PCDHA12: variants seen among roughly 807,000 people sequenced by gnomAD.
The protein encoded by PCDHA12 is protocadherin alpha-12.
Under a neutral mutation model 60.0 loss-of-function variants are expected in PCDHA12, and 44 were observed. The observed-to-expected ratio is 0.73, with a 90% CI of 0.58 to 0.94. PCDHA12 has a LOEUF of 0.94. Among genes scored for constraint, PCDHA12 ranks in the 40% least tolerant of loss-of-function variants. The pLI is 0.00. For missense variants in PCDHA12, 1,276 were observed against 1,239.7 expected (o/e 1.03, Z -0.44); for synonymous variants, 569 against 553.0 (o/e 1.03, Z -0.40).
At chr5:140,966,642 G>C (rs897727830) in intron 1 of PCDHA12, 15 of 1,117,790 alleles carry the variant, frequency 1.3e-5, no homozygotes, top group Non-Finnish European at 1.8e-5. Context: ...GCGCTTTCTA[G>C]AGCGTGAGCG....
chr5:140,971,284 A>G lies in PCDHA12; in HGVS notation c.2368-7665A>G, dbSNP rs573117700. 1.7e-3 allele frequency among the ~76,000 whole-genome samples: 257 copies of G among 152,334 alleles called. 1 individual carries two copies. The highest frequency in any genetic ancestry group is 3.4e-3 in the Non-Finnish European group (234 of 68,028). ...CTGTCTTACACTGACCTGTATATTAATATGTACTTTGGTACACAAACATTT... is the reference window on the plus strand; with the variant it reads ...CTGTCTTACACTGACCTGTATATTAGTATGTACTTTGGTACACAAACATTT... On this transcript the variant is annotated intron_variant, in intron 1 of 3. Transcript: ENST00000398631.
intron 1 of PCDHA12, among the ~76,000 whole-genome samples, chr5:140,948,548 A>G (rs1300192349): frequency 6.6e-6 from 1 of 151,532 alleles, no homozygotes; most frequent in Non-Finnish European, 1.5e-5. Flanking sequence ...TGCTCTGTCA[A>G]TTTTGTTAAG....
At chr5:140,975,160 T>G (rs2096656216) in intron 1 of PCDHA12, among the ~76,000 whole-genome samples, 1 of 152,194 alleles carries the variant, frequency 6.6e-6, no homozygotes, top group African/African-American at 2.4e-5. Flanking sequence ...CCTAGAGAAC[T>G]GAGGACTCAG....
intron 1 of PCDHA12, among the ~76,000 whole-genome samples, chr5:140,937,574 G>C (rs1320452651): frequency 1.3e-5 from 2 of 151,732 alleles, no homozygotes; most frequent in African/African-American, 4.9e-5. Context: ...CTGGGATCGC[G>C]TCACTGCACT....
rs554073823 is a variant in PCDHA12 at position 140,945,407 on chromosome 5, T to C, written c.2368-33542T>C. Among the ~76,000 whole-genome samples, 498 of 152,246 alleles carry C rather than the reference T, an allele frequency of 3.3e-3. 2 individuals carry two copies. Among genetic ancestry groups the C allele is most frequent in the African/African-American group, 0.011 (476 of 41,568 alleles). ...CAATATACAAATTCAATACAATTCG[T>C]ATCAAAATTTCAATGAAGTTTTTAC... On this transcript the variant is annotated intron_variant, in intron 1 of 3. Coordinates refer to ENST00000398631, the MANE Select transcript of PCDHA12 (RefSeq NM_018903.4).
intron 1 of PCDHA12, chr5:140,966,787 A>G (rs781920865): frequency 6.5e-7 from 1 of 1,526,816 alleles, no homozygotes; most frequent in African/African-American, 1.4e-5. Context: ...CGGGCACCAG[A>G]CCTGCGGCGA....
chr5:140,949,915 T>A (rs1459531816), intron 1 of PCDHA12, among the ~76,000 whole-genome samples: 1 of 151,274 alleles, frequency 6.6e-6, no homozygotes, highest in African/African-American at 2.4e-5. Context: ...TAGATATAAC[T>A]ATTTTTAGAT....
chr5:140,923,306 C>T (rs572766829), intron 1 of PCDHA12, among the ~76,000 whole-genome samples: 1 of 152,098 alleles, frequency 6.6e-6, no homozygotes, highest in East Asian at 1.9e-4. Flanking sequence ...GGCGTGGGGG[C>T]GCTTGGCCTA....
intron 1 of PCDHA12, among the ~76,000 whole-genome samples, chr5:140,930,773 TA>T (rs1192170091): frequency 6.6e-6 from 1 of 152,226 alleles, no homozygotes; most frequent in East Asian, 1.9e-4. Flanking sequence ...CTGTACTTAA[TA>T]TTTTCACAAT....
intron 3 of PCDHA12, 102 bp downstream of exon 3, chr5:140,982,665 A>G (rs1318068299): frequency 2.0e-6 from 3 of 1,465,204 alleles, no homozygotes; most frequent in Middle Eastern, 2.1e-4. Context: ...TTTCTTTTAT[A>G]TTTTTGTTAT....
intron 1 of PCDHA12, among the ~76,000 whole-genome samples, chr5:140,923,350 A>G (rs2081329332): frequency 6.6e-6 from 1 of 152,092 alleles, no homozygotes; most frequent in Non-Finnish European, 1.5e-5. Flanking sequence ...ACATAGTGGG[A>G]CCCTATCTTT....
rs782613091 is a variant in PCDHA12 at position 140,876,968 on chromosome 5, T to C, written c.1496T>C (p.Val499Ala). The stretch of plus-strand genomic sequence containing the variant: ...TCCTACTCGCTGGTGGAGCGGCGGG[T>C]GGGCGAGCACGCACTGTCGAGCTAC... ...LVSYSLVERR[V>A]GEHALSSYVS... Residue 499 changes from valine to alanine, a missense_variant, in exon 1 of 4, where the codon GTG (valine) becomes GCG (alanine). Physicochemically the swap from Val to Ala is moderately conservative, Grantham distance 64. Coordinates refer to ENST00000398631, the MANE Select transcript of PCDHA12 (RefSeq NM_018903.4). The C allele has an allele frequency of 6.2e-7, 1 of 1,608,986 alleles. No homozygotes were observed. The highest frequency in any genetic ancestry group is 8.5e-7 in the Non-Finnish European group (1 of 1,178,358).
At chr5:140,994,785 A>G (rs942763350) in intron 3 of PCDHA12, among the ~76,000 whole-genome samples, 2 of 152,168 alleles carry the variant, frequency 1.3e-5, no homozygotes, top group African/African-American at 4.8e-5. Flanking sequence ...AAAGGAAACA[A>G]TGCGTGCATG....
intron 1 of PCDHA12, among the ~76,000 whole-genome samples, chr5:140,939,880 G>T (rs2092484713): frequency 6.6e-6 from 1 of 152,140 alleles, no homozygotes; most frequent in African/African-American, 2.4e-5. Context: ...TTTGCTAGTT[G>T]TGTTGTTCAA....
In PCDHA12 at chr5:140,984,045, T is replaced by C. The variant is rs77384794; in HGVS notation, c.2515+1482T>C. Among the ~76,000 whole-genome samples, 455 of 152,316 alleles carry C rather than the reference T, an allele frequency of 3.0e-3. 7 individuals carry two copies. In the East Asian group the frequency reaches 0.044, roughly 15 times the overall value. On this transcript the variant is annotated intron_variant, in intron 3 of 3. Transcript: ENST00000398631. ...AAGGGGAAAAACATAAAATAGTTCA[T>C]TGACAAATCTGTACCCTCAGTGCCA... is the stretch of plus-strand genomic sequence containing the variant.
At chr5:140,878,832 G>A (rs1416879653) in intron 1 of PCDHA12, among the ~76,000 whole-genome samples, 1 of 152,138 alleles carries the variant, frequency 6.6e-6, no homozygotes, top group African/African-American at 2.4e-5. Flanking sequence ...TGCACAGGCT[G>A]GACTAGAACT....
intron 1 of PCDHA12, chr5:140,883,358 C>A (rs1554177826): frequency 6.2e-7 from 1 of 1,614,192 alleles, no homozygotes; most frequent in South Asian, 1.1e-5. Context: ...AGAAGACACT[C>A]AGCCTAGCGC....
chr5:140,906,824 G>A (rs2072970432), intron 1 of PCDHA12, among the ~76,000 whole-genome samples: 1 of 152,216 alleles, frequency 6.6e-6, no homozygotes, highest in African/African-American at 2.4e-5. Flanking sequence ...CTGTGGAGTA[G>A]TAGACTGATT....
chr5:140,882,302 C>A, intron 1 of PCDHA12: 1 of 1,613,798 alleles, frequency 6.2e-7, no homozygotes, highest in Non-Finnish European at 8.5e-7. Context: ...CCCAAGACCG[C>A]GGCAACTACT....
Sources: gnomAD v4.1 joint callset for allele counts (sites outside exome capture counted in the v4.1 genomes callset) on GRCh38, gnomAD v4.1.1 for gene constraint, MANE v1.5 for transcripts, NCBI Gene and HGNC (gene_info 2026-07-23, HGNC 2026-07-21) for gene names.